TK2: variants seen among roughly 807,000 people sequenced by gnomAD.
TK2 encodes the protein thymidine kinase 2.
TK2 carries 35 observed loss-of-function variants against 41.9 expected under a neutral mutation model. The ratio of observed to expected loss-of-function variants is 0.84; its 90% CI spans 0.64 to 1.11. TK2 has a LOEUF of 1.11. Among genes scored for constraint, TK2 ranks in the 50% least tolerant of loss-of-function variants. The pLI, the probability that TK2 is intolerant of heterozygous loss-of-function variation, is 0.00. For missense variants in TK2, 320 were observed against 351.1 expected, an observed-to-expected ratio of 0.91 and a Z score of 0.71; for synonymous variants, 128 against 129.1, an observed-to-expected ratio of 0.99 and a Z score of 0.06.
At chr16:66,528,416 G>A (rs1023738009) in intron 6 of TK2, among the ~76,000 whole-genome samples, 49 of 152,230 alleles carry the variant, frequency 3.2e-4, no homozygotes, top group South Asian at 1.2e-3. Flanking sequence ...CAACAAATGC[G>A]ACGCACACTG....
At chr16:66,529,763 C>G (rs1965051458) in intron 5 of TK2, among the ~76,000 whole-genome samples, 1 of 152,174 alleles carries the variant, frequency 6.6e-6, no homozygotes, top group African/African-American at 2.4e-5. Context: ...GCCAACAAAT[C>G]CAAGGCAGAT....
At chr16:66,533,474 C>T (rs1442881024) in intron 4 of TK2, among the ~76,000 whole-genome samples, 3 of 151,770 alleles carry the variant, frequency 2.0e-5, no homozygotes, top group Admixed American at 2.0e-4. Flanking sequence ...CACTTGAGCC[C>T]AGGAGTTAAA....
At chr16:66,547,834 C>A in intron 2 of TK2, 1 of 1,191,740 alleles carries the variant, frequency 8.4e-7, no homozygotes, top group Non-Finnish European at 1.1e-6. Flanking sequence ...TGAATGCAGG[C>A]TCCATACCAC....
intron 4 of TK2, 152 bp downstream of exon 4, chr16:66,536,812 T>G (rs1309707341): frequency 1.1e-6 from 1 of 919,062 alleles, no homozygotes; most frequent in Non-Finnish European, 1.8e-6. Flanking sequence ...AACACCAACA[T>G]GCCACCATTT....
intron 2 of TK2, chr16:66,548,132 T>C (rs1965665436): frequency 2.4e-6 from 1 of 418,386 alleles, no homozygotes; most frequent in Non-Finnish European, 4.9e-6. Context: ...TTCCCTCCCC[T>C]TCTATGGCAC....
rs372603893 is a variant in TK2, at chr16:66,543,402, C to T, written c.157-1449G>A. On this transcript the variant is annotated intron_variant, in intron 2 of 9. Coordinates refer to ENST00000544898, the MANE Select transcript of TK2 (RefSeq NM_004614.5). ...GCCCAGTGATTCTGACCAAGCTCTG[C>T]TCAGCCAGGCACTGCTGATGACATA... Among the ~76,000 whole-genome samples, 23 of 152,336 alleles carry T rather than the reference C, an allele frequency of 1.5e-4. 1 individual carries two copies. The highest frequency in any genetic ancestry group is 6.8e-3 in the Middle Eastern group (2 of 294).
intron 4 of TK2, 127 bp from the exon 5 acceptor site, chr16:66,531,596 G>C (rs1309993688): frequency 3.6e-6 from 3 of 837,232 alleles, no homozygotes; most frequent in Non-Finnish European, 6.0e-6. Context: ...GATAAACCCA[G>C]CATGATCACA....
At position 66,545,502 on chromosome 16, in the gene TK2, G is replaced by C. The variant is rs563765055; in HGVS notation, c.156+3476C>G. 3.3e-5 allele frequency among the ~76,000 whole-genome samples: 5 copies of C among 152,262 alleles called. No homozygotes were observed. In the East Asian group the frequency reaches 9.7e-4, roughly 29 times the overall value. The stretch of plus-strand genomic sequence containing the variant: ...ATAGGAAAAAATGACATACTAATAC[G>C]TGCTACAAGGCAGATGCATGTCAAA... On this transcript the variant is annotated intron_variant, in intron 2 of 9. Transcript: ENST00000544898.
Position 66,529,054 on chromosome 16 carries a change from C to G in TK2, c.389G>C (p.Arg130Pro). The G allele has an allele frequency of 6.2e-7, 1 of 1,614,042 alleles. No homozygotes were observed. The highest frequency in any genetic ancestry group is 2.2e-5 in the East Asian group (1 of 44,882). Residue 130 changes from arginine (R) to proline (P), a missense_variant, in exon 6 of 10, where the codon CGG becomes CCG. Coordinates refer to ENST00000544898, the MANE Select transcript of TK2 (RefSeq NM_004614.5). Reference protein sequence around the residue: ...RHTRPQVSSVRLMERSIHSAR... With the variant: ...RHTRPQVSSVPLMERSIHSAR... ...GCTGTGAATCGACCTCTCCATCAACCGTACAGATGACACCTAAAGGAAAAC... is the reference window on the plus strand; with the variant it reads ...GCTGTGAATCGACCTCTCCATCAACGGTACAGATGACACCTAAAGGAAAAC...
intron 6 of TK2, among the ~76,000 whole-genome samples, chr16:66,522,975 A>G (rs548119395): frequency 9.2e-5 from 14 of 152,342 alleles, no homozygotes; most frequent in Admixed American, 8.5e-4. Flanking sequence ...CTGCAGTTAC[A>G]TTCTGCACAC....
chr16:66,521,054 T>C (rs1263971757), intron 6 of TK2, among the ~76,000 whole-genome samples: 1 of 152,194 alleles, frequency 6.6e-6, no homozygotes, highest in Non-Finnish European at 1.5e-5. Context: ...TGTCCAAGGC[T>C]GGACTAGCCA....
At chr16:66,516,899 C>T (rs1413212794) in intron 8 of TK2, among the ~76,000 whole-genome samples, 1 of 151,934 alleles carries the variant, frequency 6.6e-6, no homozygotes, top group Non-Finnish European at 1.5e-5. Flanking sequence ...CGCCTCCAAG[C>T]AGGAGGGTTG....
At chr16:66,535,577 TC>T (rs1393160843) in intron 4 of TK2, among the ~76,000 whole-genome samples, 2 of 152,192 alleles carry the variant, frequency 1.3e-5, no homozygotes, top group Non-Finnish European at 2.9e-5. Context: ...TTAAGAAACA[TC>T]CTTTCACCTG....
intron 4 of TK2, among the ~76,000 whole-genome samples, chr16:66,533,067 A>T (rs1215732050): frequency 9.6e-6 from 1 of 103,740 alleles, no homozygotes; most frequent in East Asian, 3.0e-4. Flanking sequence ...TGTCTTTTTG[A>T]TAAAAATCTT....
Position 66,510,276 on chromosome 16 carries a change from G to A in TK2, c.*1692C>T, listed in dbSNP as rs1047194889. On this transcript the variant is annotated 3_prime_UTR_variant, in exon 10 of 10. Coordinates refer to ENST00000544898, the MANE Select transcript of TK2 (RefSeq NM_004614.5). ...CAAAAATGGATGTGCAAAATGAGCC[G>A]AGAGGAAATATTGGACTGTTCATTT... The A allele has an allele frequency of 4.6e-5, 7 of 151,386 alleles. No homozygotes were observed. The highest frequency in any genetic ancestry group is 9.7e-5 in the African/African-American group (4 of 41,272). The allele number at this position is 151,386 out of a possible 1,614,324, so 9.4% of individuals were successfully genotyped here.
chr16:66,543,875 C>T lies in TK2; in HGVS notation c.157-1922G>A, dbSNP rs186560891. ...CCACTCTCCCATCCTGGGTCCCTCC[C>T]AGCCCACTCCTTTAGAGCCCCAAAC... On this transcript the variant is annotated intron_variant, in intron 2 of 9. Transcript: ENST00000544898. 4.8e-3 allele frequency among the ~76,000 whole-genome samples: 728 copies of T among 152,292 alleles called. 5 individuals are homozygous for T. Among genetic ancestry groups the T allele is most frequent in the Non-Finnish European group, 8.6e-3 (586 of 68,028 alleles).
chr16:66,543,204 C>A (rs904431154), intron 2 of TK2, among the ~76,000 whole-genome samples: 4 of 152,168 alleles, frequency 2.6e-5, no homozygotes, highest in Non-Finnish European at 4.4e-5. Context: ...GCTCTCCAGG[C>A]GATTTCAATG....
intron 5 of TK2, among the ~76,000 whole-genome samples, chr16:66,531,116 C>T (rs1161850988): frequency 6.6e-6 from 1 of 152,170 alleles, no homozygotes; most frequent in Non-Finnish European, 1.5e-5. Flanking sequence ...CGGCATTAAG[C>T]CCAGCAGTGG....
intron 5 of TK2, among the ~76,000 whole-genome samples, chr16:66,530,079 C>A (rs993867757): frequency 1.3e-5 from 2 of 152,228 alleles, no homozygotes; most frequent in African/African-American, 4.8e-5. Context: ...AGGCAAAATG[C>A]ACTAACCTCA....
Sources: allele counts gnomAD v4.1 joint callset (sites outside exome capture counted in the v4.1 genomes callset), GRCh38; gene constraint gnomAD v4.1.1; transcripts MANE v1.5; gene names NCBI Gene and HGNC (gene_info 2026-07-23, HGNC 2026-07-21).